Variants in LRP1B observed in about 807,000 individuals in gnomAD.
LRP1B encodes low-density lipoprotein receptor-related protein 1B.
Under a neutral mutation model 556.6 loss-of-function variants are expected in LRP1B, and 217 were observed. That is an observed-to-expected ratio of 0.39 (90% CI 0.35 to 0.44). The LOEUF is 0.44. Ranked by LOEUF, LRP1B falls within the 20% of genes least tolerant of loss-of-function variation. The pLI, the probability that LRP1B is intolerant of heterozygous loss-of-function variation, is 1.00. For missense variants in LRP1B, 5,053 were observed against 5,620.8 expected, an observed-to-expected ratio of 0.90 and a Z score of 3.23; for synonymous variants, 2,047 against 1,865.8, an observed-to-expected ratio of 1.10 and a Z score of -2.50.
chr2:140,637,324 C>G (rs1448142876), intron 41 of LRP1B, among the ~76,000 whole-genome samples: 1 of 152,174 alleles, frequency 6.6e-6, no homozygotes, highest in African/African-American at 2.4e-5. Flanking sequence ...TTATCTTCTG[C>G]TCATGCCTTA....
At chr2:141,590,898 T>C (rs896203355) in intron 2 of LRP1B, among the ~76,000 whole-genome samples, 1 of 152,178 alleles carries the variant, frequency 6.6e-6, no homozygotes, top group Non-Finnish European at 1.5e-5. Flanking sequence ...GTTGTTCCTG[T>C]GTGCCTTGTC....
At chr2:140,416,132 C>T (rs1018120161) in intron 66 of LRP1B, among the ~76,000 whole-genome samples, 5 of 152,142 alleles carry the variant, frequency 3.3e-5, no homozygotes, top group Admixed American at 6.5e-5. Context: ...CCATTGCTCA[C>T]GTTACGACCT....
rs191961435 is a variant in LRP1B at position 141,834,753 on chromosome 2, A to G, written c.83-24352T>C. ...CAGAAGTTGCACAGTTGGAAAGGAA[A>G]TAACTGGAAAACTTTTCAGTGACTA... On this transcript the variant is annotated intron_variant, in intron 1 of 90. Transcript: ENST00000389484. 2.6e-5 allele frequency among the ~76,000 whole-genome samples: 4 copies of G among 152,096 alleles called. No individual in the cohort carries two copies. The East Asian group carries it at 5.8e-4, about 22-fold the overall frequency.
chr2:140,992,236 G>C (rs1482355914), intron 16 of LRP1B, among the ~76,000 whole-genome samples: 2 of 151,838 alleles, frequency 1.3e-5, no homozygotes, highest in African/African-American at 4.8e-5. Flanking sequence ...GAGTTCTCCA[G>C]GGGAAAAAAA....
chr2:140,790,778 C>A (rs528450227), intron 32 of LRP1B, among the ~76,000 whole-genome samples: 1 of 152,112 alleles, frequency 6.6e-6, no homozygotes, highest in South Asian at 2.1e-4. Context: ...ATTTTAATCA[C>A]CCTGCAAAAT....
At chr2:140,502,421 G>A (rs1689238814) in intron 54 of LRP1B, among the ~76,000 whole-genome samples, 1 of 151,808 alleles carries the variant, frequency 6.6e-6, no homozygotes, top group Non-Finnish European at 1.5e-5. Flanking sequence ...CATCATACAT[G>A]CTAAAAGAAA....
At chr2:141,799,224 T>C (rs1695923355) in intron 2 of LRP1B, among the ~76,000 whole-genome samples, 1 of 152,122 alleles carries the variant, frequency 6.6e-6, no homozygotes, top group Non-Finnish European at 1.5e-5. Flanking sequence ...TGAATGTGGG[T>C]AGAAGCTGTG....
rs1393378745 is a variant in LRP1B, at chr2:140,598,764, G to A, written c.7061C>T (p.Ala2354Val). The change falls in exon 43 of 91, where the codon GCT (alanine) becomes GTT (valine). Residue 2354 changes from alanine (A) to valine (V), a missense_variant. Around this residue, in one of 5 missense-constraint regions of LRP1B, gnomAD observed 3,619 missense variants for 3,931.9 expected, o/e 0.92. Transcript: ENST00000389484. The stretch of plus-strand genomic sequence containing the variant: ...TATGTCTGTACTGACCACCACTTGA[G>A]CATTTTTCCCAGTCAGAGTAGATCT... ...IMRSTLTGKN[A>V]QVVVSTDILT... The A allele has an allele frequency of 6.2e-7, 1 of 1,612,790 alleles. No homozygotes were observed. Among genetic ancestry groups the A allele is most frequent in the Admixed American group, 1.7e-5 (1 of 59,994 alleles).
At position 140,252,073 on chromosome 2, in the gene LRP1B, A is replaced by AAAAG. The variant is rs1553482250; in HGVS notation, c.13248-4912_13248-4911insCTTT. Among the ~76,000 whole-genome samples, 146 of 119,670 alleles carry AAAAG rather than the reference A, an allele frequency of 1.2e-3. 2 individuals are homozygous for AAAAG. The highest frequency in any genetic ancestry group is 4.2e-3 in the African/African-American group (128 of 30,712). The allele number at this position is 119,670 out of a possible 152,430, so 78.5% of individuals were successfully genotyped here. ...AGCATGACAAGATGCAAAAAAAAAA[A>AAAAG]AAAAAAAAAAAAAAAACCCAAAAAA... is the stretch of plus-strand genomic sequence containing the variant. On this transcript the variant is annotated intron_variant, in intron 86 of 90. Coordinates refer to ENST00000389484, the MANE Select transcript of LRP1B (RefSeq NM_018557.3).
intron 2 of LRP1B, among the ~76,000 whole-genome samples, chr2:141,588,746 G>A (rs1338045004): frequency 6.6e-6 from 1 of 152,038 alleles, no homozygotes; most frequent in Non-Finnish European, 1.5e-5. Context: ...ATAAGAACCC[G>A]GTGAATGAAT....
intron 3 of LRP1B, among the ~76,000 whole-genome samples, chr2:141,465,192 G>C (rs973659709): frequency 2.0e-5 from 3 of 152,114 alleles, no homozygotes; most frequent in Non-Finnish European, 4.4e-5. Context: ...AATAATTGCT[G>C]ACTTTGAAAT....
intron 68 of LRP1B, among the ~76,000 whole-genome samples, chr2:140,377,954 C>T (rs1202256309): frequency 6.6e-6 from 1 of 152,162 alleles, no homozygotes; most frequent in African/African-American, 2.4e-5. Context: ...CAGCTATTCA[C>T]CAGTTGAGGT....
At chr2:140,284,852 G>A (rs1340329385) in intron 84 of LRP1B, among the ~76,000 whole-genome samples, 3 of 150,516 alleles carry the variant, frequency 2.0e-5, no homozygotes, top group African/African-American at 7.3e-5. Flanking sequence ...TACCACCCCA[G>A]TGTAGAAATC....
intron 1 of LRP1B, among the ~76,000 whole-genome samples, chr2:141,968,681 A>T (rs1392593252): frequency 6.6e-6 from 1 of 151,800 alleles, no homozygotes; most frequent in African/African-American, 2.4e-5. Context: ...ATTATGTAAC[A>T]CAAGACTGTG....
At chr2:142,084,188 G>T (rs535121785) in intron 1 of LRP1B, among the ~76,000 whole-genome samples, 1 of 151,996 alleles carries the variant, frequency 6.6e-6, no homozygotes, top group Admixed American at 6.6e-5. Context: ...CACCATGTTG[G>T]CCAGGCTGGT....
chr2:140,795,989 A>G (rs969119283), intron 32 of LRP1B, among the ~76,000 whole-genome samples: 1 of 152,044 alleles, frequency 6.6e-6, no homozygotes, highest in African/African-American at 2.4e-5. Context: ...TAAACACTGT[A>G]CTACTTCTTT....
At chr2:142,033,974 C>T (rs1703790775) in intron 1 of LRP1B, among the ~76,000 whole-genome samples, 1 of 151,758 alleles carries the variant, frequency 6.6e-6, no homozygotes, top group Admixed American at 6.6e-5. Context: ...TCACATGAAG[C>T]TCATTGTGTT....
intron 3 of LRP1B, among the ~76,000 whole-genome samples, chr2:141,265,289 C>T (rs1684844167): frequency 6.6e-6 from 1 of 152,104 alleles, no homozygotes; most frequent in African/African-American, 2.4e-5. Flanking sequence ...GTTCAGGCCG[C>T]CCAGGAAGAT....
chr2:140,565,081 G>A (rs899260309), intron 43 of LRP1B, among the ~76,000 whole-genome samples: 15 of 110,306 alleles, frequency 1.4e-4, no homozygotes, highest in South Asian at 3.2e-4. Context: ...TTTTTTTCAC[G>A]GCAGATTCTA....
Sources: gnomAD v4.1 joint callset for allele counts (sites outside exome capture counted in the v4.1 genomes callset) on GRCh38, gnomAD v4.1.1 for gene constraint, gnomAD v4.1.1 regional missense constraint, MANE v1.5 for transcripts, NCBI Gene and HGNC (gene_info 2026-07-23, HGNC 2026-07-21) for gene names.